Variants in CDH23 observed in about 807,000 individuals in gnomAD.
CDH23 encodes the protein cadherin-23.
Under a neutral mutation model 317.1 loss-of-function variants are expected in CDH23, and 189 were observed. The ratio of observed to expected loss-of-function variants is 0.60; its 90% CI spans 0.53 to 0.67. CDH23 has a LOEUF of 0.67. Among genes scored for constraint, CDH23 ranks in the 30% least tolerant of loss-of-function variants. CDH23 has a pLI of 0.00. For missense variants in CDH23, 4,401 were observed against 4,592.4 expected (o/e 0.96, Z 1.20); for synonymous variants, 1,839 against 1,876.8 (o/e 0.98, Z 0.52).
chr10:71,566,862 C>G lies in CDH23; in HGVS notation c.550C>G (p.Arg184Gly). The G allele has an allele frequency of 6.2e-7, 1 of 1,613,956 alleles. No homozygotes were observed. Among genetic ancestry groups the G allele is most frequent in the Non-Finnish European group, 8.5e-7 (1 of 1,179,888 alleles). Residue 184 changes from arginine to glycine, a missense_variant, in exon 7 of 70, where the codon CGC (arginine) becomes GGC (glycine). Arg to Gly is a moderately radical substitution (Grantham distance 125, BLOSUM62 -2). Around this residue, in one of 3 missense-constraint regions of CDH23, gnomAD observed 3,068 missense variants for 3,203.3 expected, o/e 0.96. Coordinates refer to ENST00000224721, the MANE Select transcript of CDH23 (RefSeq NM_022124.6). ...PSQFFAIDSARGIVTVIRELD... is the reference protein window; with the variant it reads ...PSQFFAIDSAGGIVTVIRELD... ...CCAATTCTTCGCCATTGACAGCGCC[C>G]GCGGTATCGTCACAGTGATCCGGGA... is the stretch of plus-strand genomic sequence containing the variant.
At chr10:71,808,167 G>A (rs1318385171) in intron 60 of CDH23, among the ~76,000 whole-genome samples, 160 bp downstream of exon 60, 2 of 152,182 alleles carry the variant, frequency 1.3e-5, no homozygotes, top group African/African-American at 2.4e-5. Flanking sequence ...TCAGCAATCC[G>A]TTCTCCAGTG....
At chr10:71,404,297 A>G (rs1847996004) in intron 1 of CDH23, among the ~76,000 whole-genome samples, 2 of 151,058 alleles carry the variant, frequency 1.3e-5, no homozygotes, top group African/African-American at 4.9e-5. Flanking sequence ...AGAAGTAACT[A>G]CTCTTCTGAC....
At chr10:71,524,909 T>C (rs774022319) in intron 6 of CDH23, among the ~76,000 whole-genome samples, 6 of 152,218 alleles carry the variant, frequency 3.9e-5, no homozygotes, top group Non-Finnish European at 7.3e-5. Context: ...GTATTTTATT[T>C]CATTTTATTA....
At chr10:71,611,205 G>T (rs181656002) in intron 9 of CDH23, among the ~76,000 whole-genome samples, 2 of 152,238 alleles carry the variant, frequency 1.3e-5, no homozygotes, top group African/African-American at 4.8e-5. Context: ...AGGGGAGGAC[G>T]TGGAAGTGAG....
At chr10:71,478,328 T>C (rs1007436021) in intron 3 of CDH23, among the ~76,000 whole-genome samples, 7 of 152,200 alleles carry the variant, frequency 4.6e-5, no homozygotes, top group African/African-American at 1.7e-4. Flanking sequence ...TTCACAGTTC[T>C]ATTGATGCAT....
At chr10:71,737,910 C>G (rs1839612985) in intron 34 of CDH23, 1 of 430,868 alleles carries the variant, frequency 2.3e-6, no homozygotes, top group Non-Finnish European at 4.7e-6. Context: ...CATGCCTTCC[C>G]CATCTGCCCT....
intron 3 of CDH23, among the ~76,000 whole-genome samples, chr10:71,458,101 C>T (rs1053850533): frequency 2.0e-5 from 3 of 152,222 alleles, no homozygotes; most frequent in Non-Finnish European, 4.4e-5. Context: ...GCTGAGGAGA[C>T]GGGCAGGCAG....
At chr10:71,497,213 T>C (rs1448316639) in intron 3 of CDH23, among the ~76,000 whole-genome samples, 1 of 152,224 alleles carries the variant, frequency 6.6e-6, no homozygotes, top group Non-Finnish European at 1.5e-5. Context: ...TTTATTTTAA[T>C]GATAATGTCA....
intron 67 of CDH23, 52 bp downstream of exon 67, chr10:71,812,661 TC>T (rs1318376647): frequency 1.2e-6 from 2 of 1,612,534 alleles, no homozygotes; most frequent in African/African-American, 2.7e-5. Context: ...AGGGGCTGGG[TC>T]TTTGCAACCT....
chr10:71,702,472 C>T, intron 23 of CDH23, 77 bp from the exon 24 acceptor site: 1 of 1,574,758 alleles, frequency 6.4e-7, no homozygotes. Context: ...CCTCTCACCA[C>T]TTGCCTTCTT....
chr10:71,797,126 C>G lies in CDH23; in HGVS notation c.6735C>G (p.Pro2245=), dbSNP rs1841425163. ...CAGGATCTGTAATGGTGAAGTCCCCCATGAATCGGGAGCTGGTTGCCACCT... is the reference window on the plus strand; with the variant it reads ...CAGGATCTGTAATGGTGAAGTCCCCGATGAATCGGGAGCTGGTTGCCACCT... ...INTGSVMVKS[P]MNRELVATYE... is the part of the protein sequence containing the mutation. The change falls in exon 49 of 70, where the codon CCC becomes CCG. Residue 2245 remains proline, a synonymous_variant. Transcript: ENST00000224721. 1 of 1,612,982 alleles carries G rather than the reference C, an allele frequency of 6.2e-7. No homozygotes were observed. The highest frequency in any genetic ancestry group is 8.5e-7 in the Non-Finnish European group (1 of 1,179,262).
At chr10:71,542,868 C>A (rs1213977763) in intron 6 of CDH23, among the ~76,000 whole-genome samples, 1 of 152,242 alleles carries the variant, frequency 6.6e-6, no homozygotes, top group Non-Finnish European at 1.5e-5. Flanking sequence ...AGGCTCTGAA[C>A]AGCAAGCCCC....
chr10:71,775,378 G>A (rs1033211847), intron 38 of CDH23, among the ~76,000 whole-genome samples: 7 of 149,874 alleles, frequency 4.7e-5, no homozygotes, highest in Non-Finnish European at 1.0e-4. Context: ...AGAGAAAGGG[G>A]AGCAATTGCC....
chr10:71,453,350 C>T (rs1850539158), intron 3 of CDH23, among the ~76,000 whole-genome samples: 1 of 152,228 alleles, frequency 6.6e-6, no homozygotes, highest in Non-Finnish European at 1.5e-5. Context: ...GTGGGCTGAC[C>T]CCGCATCGGC....
At chr10:71,549,716 G>T (rs1256210263) in intron 6 of CDH23, among the ~76,000 whole-genome samples, 1 of 152,176 alleles carries the variant, frequency 6.6e-6, no homozygotes, top group Non-Finnish European at 1.5e-5. Flanking sequence ...ATCCACCTGG[G>T]TCACTCAGGC....
At chr10:71,501,952 C>T (rs967051445) in intron 3 of CDH23, among the ~76,000 whole-genome samples, 3 of 152,202 alleles carry the variant, frequency 2.0e-5, no homozygotes, top group Non-Finnish European at 4.4e-5. Flanking sequence ...TGGCCATACC[C>T]GTGGCCTTGG....
At position 71,732,093 on chromosome 10, in the gene CDH23, G is replaced by A; in HGVS notation, c.3822G>A (p.Glu1274=). ...LIITVNYLDY[E]TKTSYMMNVS... is the part of the protein sequence containing the mutation. ...TCACCGTGAATTACCTGGACTACGAGACCAAGACCAGCTACATGATGAATG... is the reference window on the plus strand; with the variant it reads ...TCACCGTGAATTACCTGGACTACGAAACCAAGACCAGCTACATGATGAATG... Residue 1274 remains glutamate, a synonymous_variant, in exon 32 of 70, where the codon GAG becomes GAA. Coordinates refer to ENST00000224721, the MANE Select transcript of CDH23 (RefSeq NM_022124.6). The A allele has an allele frequency of 6.2e-7, 1 of 1,614,030 alleles. No homozygotes were observed. The highest frequency in any genetic ancestry group is 1.3e-5 in the African/African-American group (1 of 75,062).
At chr10:71,682,705 A>C in intron 18 of CDH23, 133 bp downstream of exon 18, 1 of 1,163,656 alleles carries the variant, frequency 8.6e-7, no homozygotes, top group Non-Finnish European at 1.2e-6. Flanking sequence ...TTACCCAGCC[A>C]TCTGTCCCAA....
chr10:71,671,056 T>C (rs945617007), intron 14 of CDH23, among the ~76,000 whole-genome samples: 3 of 150,558 alleles, frequency 2.0e-5, no homozygotes, highest in Non-Finnish European at 4.4e-5. Context: ...GCTTCCCAGG[T>C]TCAAGCAATT....
Sources: gnomAD v4.1 joint callset for allele counts (sites outside exome capture counted in the v4.1 genomes callset) on GRCh38, gnomAD v4.1.1 for gene constraint, gnomAD v4.1.1 regional missense constraint, MANE v1.5 for transcripts, NCBI Gene and HGNC (gene_info 2026-07-23, HGNC 2026-07-21) for gene names.